SRGAP2: variants seen among roughly 807,000 people sequenced by gnomAD.
SRGAP2 encodes SLIT-ROBO Rho GTPase activating protein 2, also known as SLIT-ROBO Rho GTPase-activating protein 2.
A neutral mutation model predicts 57.2 loss-of-function variants in SRGAP2; 15 were observed. The observed-to-expected ratio is 0.26, with a 90% CI of 0.18 to 0.40. SRGAP2 has a LOEUF of 0.40. Ranked by LOEUF, SRGAP2 falls within the 10% of genes least tolerant of loss-of-function variation. SRGAP2 has a pLI of 1.00. For synonymous variants in SRGAP2, 249 were observed against 248.0 expected (o/e 1.00, Z -0.04); for missense variants, 520 against 669.6 (o/e 0.78, Z 2.47).
intron 4 of SRGAP2, among the ~76,000 whole-genome samples, chr1:206,355,332 A>C (rs1488184945): frequency 6.6e-6 from 1 of 152,068 alleles, no homozygotes; most frequent in Non-Finnish European, 1.5e-5. Context: ...AGTTGGTTCT[A>C]AAGGTCCAAG....
At position 206,446,846 on chromosome 1, in the gene SRGAP2, A is replaced by T. The variant is rs575398785; in HGVS notation, c.2099+547A>T. 5.3e-4 allele frequency among the ~76,000 whole-genome samples: 81 copies of T among 152,334 alleles called. No homozygotes were observed. In the Middle Eastern group the frequency reaches 0.014, roughly 26 times the overall value. On this transcript the variant is annotated intron_variant, in intron 18 of 22. Transcript: ENST00000573034. Reference sequence around the variant, plus strand: ...AGGGACTGTCCTCCCCTGAAGCAGCATTCCATTCTGTGGGGCCAGGTTTTC... The same window carrying T: ...AGGGACTGTCCTCCCCTGAAGCAGCTTTCCATTCTGTGGGGCCAGGTTTTC...
At chr1:206,453,473 C>G in intron 20 of SRGAP2, 93 bp downstream of exon 20, 1 of 479,078 alleles carries the variant, frequency 2.1e-6, no homozygotes, top group Non-Finnish European at 3.9e-6. Flanking sequence ...ATGAGGGAGG[C>G]CAACCCCTGG....
chr1:206,437,370 C>T (rs923529939), intron 15 of SRGAP2, among the ~76,000 whole-genome samples: 14 of 152,176 alleles, frequency 9.2e-5, no homozygotes, highest in African/African-American at 2.7e-4. Context: ...AAGGCTAATG[C>T]GCTTGTTCAT....
At chr1:206,433,528 C>T (rs1305025396) in intron 14 of SRGAP2, among the ~76,000 whole-genome samples, 1 of 151,850 alleles carries the variant, frequency 6.6e-6, no homozygotes, top group Non-Finnish European at 1.5e-5. Context: ...GTAATCCCAT[C>T]TACTCGGGAG....
rs373381012 is a variant in SRGAP2, at chr1:206,392,956, A to G, written c.702+52A>G. Reference sequence around the variant, plus strand: ...GCTGGGAAGCAACATTCGGTAAGGCATGGCTGATAGGAATTTCCCAGTAGT... The same window carrying G: ...GCTGGGAAGCAACATTCGGTAAGGCGTGGCTGATAGGAATTTCCCAGTAGT... On this transcript the variant is annotated intron_variant, in intron 6 of 22. Transcript: ENST00000573034. The G allele has an allele frequency of 1.2e-3, 857 of 717,092 alleles. 2 individuals are homozygous for G. The highest frequency in any genetic ancestry group is 1.9e-3 in the Non-Finnish European group (720 of 385,000). 44.4% of individuals were successfully genotyped at this position (717,092 alleles called of 1,614,324 possible). A position where few individuals can be genotyped will look rare whatever the true frequency, so the allele number is the denominator to read the frequency against.
At chr1:206,372,571 T>G (rs1374217892) in intron 4 of SRGAP2, among the ~76,000 whole-genome samples, 1 of 1,480 alleles carries the variant, frequency 6.8e-4, no homozygotes, top group Non-Finnish European at 1.4e-3. Flanking sequence ...CACATGGAAC[T>G]GTATGCCAAC....
chr1:206,436,990 G>A lies in SRGAP2; in HGVS notation c.1581G>A (p.Arg527=), dbSNP rs1553370251. 1.3e-6 allele frequency: 1 copy of A among 780,604 alleles called. No individual in the cohort carries two copies. Among genetic ancestry groups the A allele is most frequent in the East Asian group, 2.4e-5 (1 of 41,268 alleles). The allele number at this position is 780,604 out of a possible 1,614,324, so 48.4% of individuals were successfully genotyped here. Residue 527 remains arginine (R), a synonymous_variant, in exon 15 of 23, where the codon CGG becomes CGA. Coordinates refer to ENST00000573034, the MANE Select transcript of SRGAP2 (RefSeq NM_015326.5). ...GACTACAGCATGAAGGAATTTTCCG[G>A]GTGTCAGGATCCCAGGTGGAAGTGA... ...RHGLQHEGIF[R]VSGSQVEVND... is the part of the protein sequence containing the mutation.
intron 1 of SRGAP2, chr1:206,204,977 G>A (rs1418287472): frequency 6.6e-6 from 1 of 151,402 alleles, no homozygotes; most frequent in Non-Finnish European, 1.5e-5. Flanking sequence ...TGGGAGGAGG[G>A]GCGGGAGAGG....
rs1367693134 is a variant in SRGAP2, at chr1:206,461,579, G to A, written c.*159G>A. ...CGTCTCCCAAAACCTTGAGAATGAA[G>A]CCCTTGGTATCGCCTCTCCCTTCCC... On this transcript the variant is annotated 3_prime_UTR_variant, in exon 23 of 23. Coordinates refer to ENST00000573034, the MANE Select transcript of SRGAP2 (RefSeq NM_015326.5). The A allele has an allele frequency of 3.2e-6, 2 of 632,880 alleles. No homozygotes were observed. The highest frequency in any genetic ancestry group is 3.6e-5 in the African/African-American group (2 of 55,052). The allele number at this position is 632,880 out of a possible 1,614,324, so 39.2% of individuals were successfully genotyped here. A position where few individuals can be genotyped will look rare whatever the true frequency, so the allele number is the denominator to read the frequency against.
intron 4 of SRGAP2, among the ~76,000 whole-genome samples, chr1:206,363,880 G>A (rs524540): frequency 0.027 from 4,177 of 152,246 alleles, 147 homozygotes; most frequent in African/African-American, 0.085. Context: ...TGTCCCCTTT[G>A]CAGTGTAATA....
intron 2 of SRGAP2, among the ~76,000 whole-genome samples, chr1:206,281,659 C>G (rs1670741452): frequency 9.3e-6 from 1 of 107,128 alleles, no homozygotes; most frequent in Non-Finnish European, 1.8e-5. Context: ...ATAGCGAAAT[C>G]CTGTCTCTAC....
intron 2 of SRGAP2, among the ~76,000 whole-genome samples, chr1:206,245,204 T>C (rs563561530): frequency 5.7e-5 from 8 of 140,728 alleles, no homozygotes; most frequent in Admixed American, 1.4e-4. Context: ...GAAGTTTTCC[T>C]ACTAGGAACT....
chr1:206,399,904 C>G (rs1324386904), intron 7 of SRGAP2, among the ~76,000 whole-genome samples: 1 of 150,916 alleles, frequency 6.6e-6, no homozygotes, highest in Non-Finnish European at 1.5e-5. Flanking sequence ...TCTTTCCATC[C>G]TCTGCCTCTA....
intron 4 of SRGAP2, among the ~76,000 whole-genome samples, chr1:206,357,324 AAAT>A (rs1169644997): frequency 6.6e-6 from 1 of 150,448 alleles, no homozygotes; most frequent in Non-Finnish European, 1.5e-5. Flanking sequence ...AATAAAAAGA[AAAT>A]AATAATTACT....
At chr1:206,447,220 A>C (rs2103364769) in intron 18 of SRGAP2, among the ~76,000 whole-genome samples, 1 of 152,026 alleles carries the variant, frequency 6.6e-6, no homozygotes, top group South Asian at 2.1e-4. Context: ...ATAGTATTTC[A>C]GCCTGAGCTG....
intron 3 of SRGAP2, among the ~76,000 whole-genome samples, chr1:206,340,401 A>G (rs1462645058): frequency 1.4e-5 from 2 of 145,396 alleles, no homozygotes; most frequent in African/African-American, 5.2e-5. Context: ...ATAACCACTA[A>G]AGCACCTAAC....
At chr1:206,266,052 C>G (rs1399038444) in intron 2 of SRGAP2, among the ~76,000 whole-genome samples, 3 of 150,896 alleles carry the variant, frequency 2.0e-5, no homozygotes. Flanking sequence ...TCATCTAGTG[C>G]AGGTCACTCA....
intron 2 of SRGAP2, among the ~76,000 whole-genome samples, chr1:206,227,319 T>A (rs1667336970): frequency 6.6e-6 from 1 of 152,246 alleles, no homozygotes; most frequent in African/African-American, 2.4e-5. Context: ...TGCATTTTTA[T>A]TCGGTTAGAG....
chr1:206,301,071 G>A (rs1413199665), intron 2 of SRGAP2, among the ~76,000 whole-genome samples: 15 of 152,026 alleles, frequency 9.9e-5, no homozygotes, highest in African/African-American at 1.5e-4. Context: ...TCGCTCTGTC[G>A]CCCAGGCTGG....
Sources: allele counts gnomAD v4.1 joint callset (sites outside exome capture counted in the v4.1 genomes callset), GRCh38; gene constraint gnomAD v4.1.1; transcripts MANE v1.5; gene names NCBI Gene and HGNC (gene_info 2026-07-23, HGNC 2026-07-21).